Variants in CACNA1A observed in about 807,000 individuals in gnomAD.
CACNA1A encodes calcium voltage-gated channel subunit alpha1 A, also known as voltage-dependent P/Q-type calcium channel subunit alpha-1A.
CACNA1A carries 57 observed loss-of-function variants against 262.4 expected under a neutral mutation model. The observed-to-expected ratio is 0.22, with a 90% confidence interval of 0.18 to 0.27. The LOEUF is 0.27. CACNA1A is among the 10% of genes least tolerant of loss of function. The pLI, the probability that CACNA1A is intolerant of heterozygous loss-of-function variation, is 1.00. For synonymous variants in CACNA1A, 1,431 were observed against 1,419.3 expected (o/e 1.01, Z -0.18); for missense variants, 2,526 against 3,562.8 (o/e 0.71, Z 7.41).
In CACNA1A at chr19:13,209,407, G is replaced by A. The variant is rs750077868; in HGVS notation, c.6431C>T (p.Pro2144Leu). 1.9e-5 allele frequency: 26 copies of A among 1,399,502 alleles called. No homozygotes were observed. Among genetic ancestry groups the A allele is most frequent in the African/African-American group, 3.0e-5 (2 of 67,548 alleles). The allele number at this position is 1,399,502 out of a possible 1,614,324, so 86.7% of individuals were successfully genotyped here. A position where few individuals can be genotyped will look rare whatever the true frequency, so the allele number is the denominator to read the frequency against. Residue 2144 changes from proline to leucine, a missense_variant, in exon 45 of 47, where the codon CCG (proline) becomes CTG (leucine). Around this residue, in one of 17 missense-constraint regions of CACNA1A, gnomAD observed 929 missense variants for 868.1 expected, o/e 1.07. Coordinates refer to ENST00000360228, the MANE Select transcript of CACNA1A (RefSeq NM_001127222.2). ...RLDDYSLERV[P>L]PEENQRHHQR... ...GTGGTGCCGCTGGTTCTCCTCGGGC[G>A]GGACCCGCTCCAGCGAGTAATCGTC...
intron 12 of CACNA1A, among the ~76,000 whole-genome samples, chr19:13,310,471 AAAAAAAAAAAAAAAAAAAAT>A (rs1470988075): frequency 2.4e-5 from 1 of 41,438 alleles, no homozygotes; most frequent in African/African-American, 1.4e-4. Context: ...AAAAAAAAAA[AAAAAAAAAAAAAAAAAAAAT>A]ATATATATAT....
chr19:13,336,877 T>C (rs1406825035), intron 6 of CACNA1A, among the ~76,000 whole-genome samples: 1 of 152,186 alleles, frequency 6.6e-6, no homozygotes, highest in Non-Finnish European at 1.5e-5. Flanking sequence ...CCAGAGTCCA[T>C]GGGCTTAACC....
rs761908449 is a variant in CACNA1A, at chr19:13,286,698, C to T, written c.3358G>A (p.Ala1120Thr). 15 of 1,577,876 alleles carry T rather than the reference C, an allele frequency of 9.5e-6. No individual in the cohort carries two copies. The highest frequency in any genetic ancestry group is 9.0e-5 in the East Asian group (4 of 44,316). Residue 1120 changes from alanine (A) to threonine (T), a missense_variant, in exon 20 of 47, where the codon GCC becomes ACC. This residue lies in a region of CACNA1A where 765 missense variants were observed against 748.6 expected (regional missense o/e 1.02). Coordinates refer to ENST00000360228, the MANE Select transcript of CACNA1A (RefSeq NM_001127222.2). ...GGGTTGTTGGGCGTCCGGCGGCTGGCGGCGTTCTGGGGGTTGGTGGCCATG... is the reference window on the plus strand; with the variant it reads ...GGGTTGTTGGGCGTCCGGCGGCTGGTGGCGTTCTGGGGGTTGGTGGCCATG... ...PAMATNPQNA[A>T]SRRTPNNPGN...
Position 13,233,453 on chromosome 19 carries a change from T to G in CACNA1A, c.5249+1468A>C, listed in dbSNP as rs892498590. Reference sequence around the variant, plus strand: ...CACATTATTATGCAACTATCACCACTATCTACCTCTGTAACTTTTTTTAAA... The same window carrying G: ...CACATTATTATGCAACTATCACCACGATCTACCTCTGTAACTTTTTTTAAA... On this transcript the variant is annotated intron_variant, in intron 34 of 46. Transcript: ENST00000360228. Among the ~76,000 whole-genome samples the G allele has an allele frequency of 3.9e-5, 6 of 152,324 alleles. 1 individual carries two copies. The highest frequency in any genetic ancestry group is 3.9e-4 in the Admixed American group (6 of 15,294).
In CACNA1A at chr19:13,241,562, G is replaced by A. The variant is rs1015234557; in HGVS notation, c.4950+3620C>T. 34 of 1,201,730 alleles carry A rather than the reference G, an allele frequency of 2.8e-5. No homozygotes were observed. Among genetic ancestry groups the A allele is most frequent in the Non-Finnish European group, 3.6e-5 (30 of 838,442 alleles). The allele number at this position is 1,201,730 out of a possible 1,614,324, so 74.4% of individuals were successfully genotyped here. On this transcript the variant is annotated intron_variant, in intron 31 of 46. Coordinates refer to ENST00000360228, the MANE Select transcript of CACNA1A (RefSeq NM_001127222.2). This position sits in a 1 kb window ranked among gnomAD's most constrained non-coding sequence, Gnocchi z 4.0. ...ATGTTGAAGATGAGGGGGAGCGGGCGGGCGGGGGCAGTTGGGGAGGCGTGT... is the reference window on the plus strand; with the variant it reads ...ATGTTGAAGATGAGGGGGAGCGGGCAGGCGGGGGCAGTTGGGGAGGCGTGT...
intron 3 of CACNA1A, among the ~76,000 whole-genome samples, chr19:13,436,473 T>A (rs2060612630): frequency 6.6e-6 from 1 of 152,204 alleles, no homozygotes; most frequent in African/African-American, 2.4e-5. Flanking sequence ...ACAAAAGCCA[T>A]GAAGCCTGTA....
chr19:13,380,645 CAAAAAAAAAA>C (rs370031243), intron 3 of CACNA1A, among the ~76,000 whole-genome samples: 1 of 55,202 alleles, frequency 1.8e-5, no homozygotes, highest in African/African-American at 7.2e-5. Context: ...GACTCTGTCT[CAAAAAAAAAA>C]AAAAAAAAAA....
intron 22 of CACNA1A, among the ~76,000 whole-genome samples, chr19:13,280,056 G>T (rs4414613): frequency 6.6e-6 from 1 of 151,824 alleles, no homozygotes; most frequent in Non-Finnish European, 1.5e-5. Context: ...TGATCCACCC[G>T]CCTTGGCCTC....
At chr19:13,432,578 G>A (rs984342587) in intron 3 of CACNA1A, among the ~76,000 whole-genome samples, 6 of 151,810 alleles carry the variant, frequency 4.0e-5, no homozygotes, top group Non-Finnish European at 7.4e-5. Context: ...AGTCAGACAG[G>A]AGGAATACGT....
chr19:13,326,752 G>A (rs899757727), intron 10 of CACNA1A, among the ~76,000 whole-genome samples: 6 of 145,284 alleles, frequency 4.1e-5, no homozygotes, highest in Middle Eastern at 7.1e-3. Context: ...CTGCACCACT[G>A]CACTCCAGCC....
intron 11 of CACNA1A, chr19:13,315,967 T>A (rs1568526863): frequency 6.6e-6 from 1 of 152,106 alleles, no homozygotes; most frequent in Non-Finnish European, 1.5e-5. Context: ...TTATTTTACT[T>A]TATTTTTTGA....
At chr19:13,372,829 C>T (rs1041488817) in intron 3 of CACNA1A, among the ~76,000 whole-genome samples, 1 of 152,194 alleles carries the variant, frequency 6.6e-6, no homozygotes, top group Non-Finnish European at 1.5e-5. Flanking sequence ...AGACCCCAAG[C>T]CTCTGGTCAA....
At chr19:13,268,693 C>G (rs1211983926) in intron 24 of CACNA1A, among the ~76,000 whole-genome samples, 2 of 152,044 alleles carry the variant, frequency 1.3e-5, no homozygotes, top group African/African-American at 4.8e-5. Context: ...CTTGGCCTCC[C>G]AAAGTGCTAG....
chr19:13,243,565 T>TTTC (rs536962021), intron 31 of CACNA1A: 29,094 of 115,526 alleles, frequency 0.25, 2,980 homozygotes, highest in South Asian at 0.37. Flanking sequence ...TTCTTTCTTT[T>TTTC]TTTTTTTGAG....
chr19:13,331,010 C>T (rs1004817908), intron 9 of CACNA1A, among the ~76,000 whole-genome samples: 4 of 152,060 alleles, frequency 2.6e-5, no homozygotes, highest in African/African-American at 9.7e-5. Context: ...AGCTATACAC[C>T]CCAGGGGCTC....
intron 8 of CACNA1A, among the ~76,000 whole-genome samples, chr19:13,333,190 C>G (rs1338790141): frequency 6.6e-6 from 1 of 152,184 alleles, no homozygotes; most frequent in East Asian, 1.9e-4. Flanking sequence ...GATCTGATCT[C>G]CATCACCTTC....
intron 6 of CACNA1A, among the ~76,000 whole-genome samples, chr19:13,356,866 G>A (rs1390299285): frequency 6.6e-6 from 1 of 152,178 alleles, no homozygotes; most frequent in Non-Finnish European, 1.5e-5. Context: ...CTTTGTCCAA[G>A]CTGTTTGCAG....
intron 12 of CACNA1A, among the ~76,000 whole-genome samples, chr19:13,309,840 A>G (rs2057983021): frequency 6.6e-6 from 1 of 152,222 alleles, no homozygotes; most frequent in Non-Finnish European, 1.5e-5. Flanking sequence ...CACATAACAT[A>G]AAATTCACAC....
At position 13,221,153 on chromosome 19, in the gene CACNA1A, T is replaced by C. The variant is rs180959823; in HGVS notation, c.5731+3514A>G. Among the ~76,000 whole-genome samples the C allele has an allele frequency of 2.0e-3, 302 of 149,072 alleles. 2 individuals carry two copies. The highest frequency in any genetic ancestry group is 6.9e-3 in the African/African-American group (277 of 40,296). On this transcript the variant is annotated intron_variant, in intron 38 of 46. Coordinates refer to ENST00000360228, the MANE Select transcript of CACNA1A (RefSeq NM_001127222.2). ...TTCAGCTGGGCTCAGCACCTTCCCA[T>C]GTGTGGGACTATCCACCTGCTCCTC... is the stretch of plus-strand genomic sequence containing the variant.
Sources: gnomAD v4.1 joint callset for allele counts (sites outside exome capture counted in the v4.1 genomes callset) on GRCh38, gnomAD v4.1.1 for gene constraint, gnomAD v4.1.1 regional missense constraint, Gnocchi (gnomAD v3.1) non-coding constraint, MANE v1.5 for transcripts, NCBI Gene and HGNC (gene_info 2026-07-23, HGNC 2026-07-21) for gene names.